The following SLC35F1 variants were observed in gnomAD, a reference collection of about 807,000 sequenced individuals.
SLC35F1 encodes chromosome 6 open reading frame 169.
SLC35F1 carries 14 observed loss-of-function variants against 48.7 expected under a neutral mutation model. The observed-to-expected ratio is 0.29, with a 90% CI of 0.19 to 0.45. The LOEUF is 0.45. Among genes scored for constraint, SLC35F1 ranks in the 20% least tolerant of loss-of-function variants. The pLI, the probability that SLC35F1 is intolerant of heterozygous loss-of-function variation, is 1.00. For missense variants in SLC35F1, 404 were observed against 500.0 expected (o/e 0.81, Z 1.83); for synonymous variants, 190 against 202.2 (o/e 0.94, Z 0.51).
chr6:118,290,798 A>ATTT (rs67467513), intron 7 of SLC35F1, among the ~76,000 whole-genome samples: 56,839 of 142,058 alleles, frequency 0.4, 11,849 homozygotes, highest in Middle Eastern at 0.49. Flanking sequence ...AAAATCGACT[A>ATTT]TTTTTTTTTT....
At chr6:117,949,824 A>G (rs1480764004) in intron 1 of SLC35F1, among the ~76,000 whole-genome samples, 1 of 151,968 alleles carries the variant, frequency 6.6e-6, no homozygotes, top group Non-Finnish European at 1.5e-5. Context: ...CAGAGGATTT[A>G]CGTTTGGTCA....
intron 1 of SLC35F1, among the ~76,000 whole-genome samples, chr6:117,989,469 G>A (rs752002527): frequency 3.1e-4 from 47 of 152,132 alleles, no homozygotes; most frequent in Non-Finnish European, 6.0e-4. Context: ...TTTTTGGTCC[G>A]ATTGTCCTAG....
At chr6:118,120,703 A>G (rs181815282) in intron 1 of SLC35F1, among the ~76,000 whole-genome samples, 16 of 152,344 alleles carry the variant, frequency 1.1e-4, no homozygotes, top group African/African-American at 3.8e-4. Flanking sequence ...ACAAAAATTG[A>G]TGATCGAGGG....
chr6:118,307,837 G>T (rs898898909), intron 7 of SLC35F1, among the ~76,000 whole-genome samples: 3 of 152,144 alleles, frequency 2.0e-5, no homozygotes, highest in Non-Finnish European at 2.9e-5. Context: ...CTTACAGCAC[G>T]CTCAGCACTA....
In SLC35F1 at chr6:118,085,691, G is replaced by A. The variant is rs144290081; in HGVS notation, c.174-68754G>A. 8.1e-5 allele frequency among the ~76,000 whole-genome samples: 8 copies of A among 99,292 alleles called. No individual in the cohort carries two copies. The East Asian group carries it at 1.3e-3, about 16-fold the overall frequency. 65.1% of individuals were successfully genotyped at this position (99,292 alleles called of 152,430 possible). A position where few individuals can be genotyped will look rare whatever the true frequency, so the allele number is the denominator to read the frequency against. ...ATATGTCATGCCAAATATTAATCACGGATTTTACAGCTTGCCCTAGATAAA... is the reference window on the plus strand; with the variant it reads ...ATATGTCATGCCAAATATTAATCACAGATTTTACAGCTTGCCCTAGATAAA... On this transcript the variant is annotated intron_variant, in intron 1 of 7. Coordinates refer to ENST00000360388, the MANE Select transcript of SLC35F1 (RefSeq NM_001029858.4).
chr6:118,269,787 A>C (rs916982465), intron 4 of SLC35F1, among the ~76,000 whole-genome samples: 4 of 152,070 alleles, frequency 2.6e-5, no homozygotes, highest in Non-Finnish European at 1.5e-5. Context: ...AGAAATCCCA[A>C]CGACTCAAGA....
At chr6:117,958,345 A>G (rs1776453253) in intron 1 of SLC35F1, among the ~76,000 whole-genome samples, 1 of 152,192 alleles carries the variant, frequency 6.6e-6, no homozygotes, top group Non-Finnish European at 1.5e-5. Context: ...GAAAATTTTA[A>G]AAATAAATGT....
rs866000085 is a variant in SLC35F1 at position 117,911,425 on chromosome 6, C to T, written c.173+3526C>T. 9.5e-4 allele frequency among the ~76,000 whole-genome samples: 117 copies of T among 122,520 alleles called. 1 individual carries two copies. Among genetic ancestry groups the T allele is most frequent in the African/African-American group, 3.9e-3 (101 of 26,204 alleles). The allele number at this position is 122,520 out of a possible 152,430, so 80.4% of individuals were successfully genotyped here. A position where few individuals can be genotyped will look rare whatever the true frequency, so the allele number is the denominator to read the frequency against. On this transcript the variant is annotated intron_variant, in intron 1 of 7. Transcript: ENST00000360388. ...CCCCTCCCTCCCTCCCTCCCTCCCTCCCTTCCTTCCTTCCTTCCTTCCATC... is the reference window on the plus strand; with the variant it reads ...CCCCTCCCTCCCTCCCTCCCTCCCTTCCTTCCTTCCTTCCTTCCTTCCATC...
intron 2 of SLC35F1, among the ~76,000 whole-genome samples, chr6:118,205,189 T>G (rs1229009123): frequency 6.6e-6 from 1 of 151,558 alleles, no homozygotes; most frequent in Non-Finnish European, 1.5e-5. Context: ...TGTGTGGGAG[T>G]TTTAGGGTAG....
chr6:118,072,398 A>C (rs1394952733), intron 1 of SLC35F1, among the ~76,000 whole-genome samples: 3 of 152,058 alleles, frequency 2.0e-5, no homozygotes, highest in Non-Finnish European at 4.4e-5. Context: ...CCCCATCTCT[A>C]CTAAAAATAC....
At chr6:117,960,829 G>A (rs1776488520) in intron 1 of SLC35F1, among the ~76,000 whole-genome samples, 1 of 152,132 alleles carries the variant, frequency 6.6e-6, no homozygotes, top group South Asian at 2.1e-4. Context: ...CTTATTTTAG[G>A]AAAGATTGTA....
At chr6:118,298,489 T>C (rs142694175) in intron 7 of SLC35F1, among the ~76,000 whole-genome samples, 30 of 152,214 alleles carry the variant, frequency 2.0e-4, no homozygotes, top group African/African-American at 7.0e-4. Context: ...AATCCCCAGA[T>C]AATGGCAAGC....
At chr6:118,301,077 G>C (rs1252567692) in intron 7 of SLC35F1, among the ~76,000 whole-genome samples, 1 of 152,142 alleles carries the variant, frequency 6.6e-6, no homozygotes, top group Non-Finnish European at 1.5e-5. Context: ...TTATGTTGGA[G>C]GTCAGGACTA....
intron 1 of SLC35F1, among the ~76,000 whole-genome samples, chr6:118,150,947 T>G (rs1404482240): frequency 6.6e-6 from 1 of 152,180 alleles, no homozygotes; most frequent in South Asian, 2.1e-4. Context: ...TCTGTTCTCT[T>G]GGTTTTCATG....
chr6:118,038,998 A>T (rs1438245279), intron 1 of SLC35F1, among the ~76,000 whole-genome samples: 1 of 152,118 alleles, frequency 6.6e-6, no homozygotes, highest in Non-Finnish European at 1.5e-5. Context: ...TTGTATATTG[A>T]TGTTGTATCC....
At chr6:118,286,807 G>GTA (rs1470462401) in intron 7 of SLC35F1, among the ~76,000 whole-genome samples, 4 of 144,390 alleles carry the variant, frequency 2.8e-5, no homozygotes, top group African/African-American at 8.2e-5. Flanking sequence ...GTGTGTGTTT[G>GTA]TGTGTGTGTG....
chr6:118,065,894 T>C (rs1360394858), intron 1 of SLC35F1, among the ~76,000 whole-genome samples: 2 of 152,246 alleles, frequency 1.3e-5, no homozygotes, highest in Non-Finnish European at 2.9e-5. Flanking sequence ...TTTATAATTA[T>C]GTTCAAAGAC....
intron 4 of SLC35F1, 65 bp downstream of exon 4, chr6:118,267,219 T>A (rs1185200582): frequency 6.4e-7 from 1 of 1,574,144 alleles, no homozygotes; most frequent in Non-Finnish European, 8.7e-7. Context: ...AGAAATGGAA[T>A]GTTCATAGTT....
At chr6:118,273,201 ACAGT>A (rs1455096493) in intron 4 of SLC35F1, among the ~76,000 whole-genome samples, 1 of 152,166 alleles carries the variant, frequency 6.6e-6, no homozygotes, top group Non-Finnish European at 1.5e-5. Flanking sequence ...TATATTTCCT[ACAGT>A]CAAAGGCTAG....
Sources: gnomAD v4.1 joint callset for allele counts (sites outside exome capture counted in the v4.1 genomes callset) on GRCh38, gnomAD v4.1.1 for gene constraint, MANE v1.5 for transcripts, NCBI Gene and HGNC (gene_info 2026-07-23, HGNC 2026-07-21) for gene names.